ABCA13: variants seen among roughly 807,000 people sequenced by gnomAD.
ABCA13 encodes the protein ATP-binding cassette sub-family A member 13.
Under a neutral mutation model 478.7 loss-of-function variants are expected in ABCA13, and 476 were observed. The ratio of observed to expected loss-of-function variants is 0.99; its 90% CI spans 0.92 to 1.07. The LOEUF (loss-of-function observed/expected upper bound fraction) is 1.07. Among genes scored for constraint, ABCA13 ranks in the 50% least tolerant of loss-of-function variants. The pLI is 0.00. For missense variants in ABCA13, 6,060 were observed against 5,910.6 expected (o/e 1.03, Z -0.83); for synonymous variants, 2,252 against 2,158.9 (o/e 1.04, Z -1.20).
chr7:48,548,146 C>T (rs749350141), intron 55 of ABCA13, among the ~76,000 whole-genome samples: 3 of 151,920 alleles, frequency 2.0e-5, no homozygotes, highest in Non-Finnish European at 2.9e-5. Flanking sequence ...TGCTCATACA[C>T]AGCGAGTATT....
At chr7:48,567,000 G>A (rs1289829480) in intron 55 of ABCA13, among the ~76,000 whole-genome samples, 6 of 152,132 alleles carry the variant, frequency 3.9e-5, no homozygotes, top group African/African-American at 1.2e-4. Context: ...TGATAGATAT[G>A]CTGTGTGCAA....
intron 54 of ABCA13, among the ~76,000 whole-genome samples, chr7:48,527,973 T>C (rs1317162): frequency 0.14 from 21,048 of 152,166 alleles, 1,818 homozygotes; most frequent in African/African-American, 0.23. Context: ...TTTCCACACA[T>C]GAATTTATTG....
intron 58 of ABCA13, among the ~76,000 whole-genome samples, chr7:48,605,590 C>G (rs1791384996): frequency 6.6e-6 from 1 of 152,224 alleles, no homozygotes; most frequent in Non-Finnish European, 1.5e-5. Context: ...CACTGTTAGT[C>G]TGATGGGCTT....
At chr7:48,499,532 A>G (rs1006322246) in intron 48 of ABCA13, among the ~76,000 whole-genome samples, 4 of 152,248 alleles carry the variant, frequency 2.6e-5, no homozygotes, top group Non-Finnish European at 5.9e-5. Context: ...CCAATGACAA[A>G]TAAACAGAGT....
chr7:48,621,994 G>A (rs1272172351), intron 59 of ABCA13, among the ~76,000 whole-genome samples: 5 of 152,024 alleles, frequency 3.3e-5, no homozygotes, highest in Non-Finnish European at 7.4e-5. Context: ...ATAGAATTTC[G>A]GGGACCCAAC....
rs368670564 is a variant in ABCA13 at position 48,524,320 on chromosome 7, G to C, written c.14124G>C (p.Val4708=). 6.2e-7 allele frequency: 1 copy of C among 1,613,158 alleles called. No individual in the cohort carries two copies. Among genetic ancestry groups the C allele is most frequent in the Non-Finnish European group, 8.5e-7 (1 of 1,179,522 alleles). Residue 4708 remains valine (V), a synonymous_variant, in exon 54 of 62, where the codon GTG becomes GTC. Coordinates refer to ENST00000435803, the MANE Select transcript of ABCA13 (RefSeq NM_152701.5). ...DTDVEKEEKR[V]FEGRTNGDIL... Reference sequence around the variant, plus strand: ...ATGTTGAAAAAGAGGAAAAGAGAGTGTTTGAAGGAAGGACCAATGGAGACA... The same window carrying C: ...ATGTTGAAAAAGAGGAAAAGAGAGTCTTTGAAGGAAGGACCAATGGAGACA...
At position 48,273,135 on chromosome 7, in the gene ABCA13, A is replaced by G. The variant is rs1158734283; in HGVS notation, c.3469A>G (p.Ile1157Val). The G allele has an allele frequency of 1.9e-6, 3 of 1,613,740 alleles. No individual in the cohort carries two copies. Among genetic ancestry groups the G allele is most frequent in the Admixed American group, 1.7e-5 (1 of 60,004 alleles). ...TVSWLQMWTE[I>V]WETISQLFKF... ...TTCATGGCTTCAAATGTGGACTGAA[A>G]TCTGGGAAACCATATCTCAATTATT... is the stretch of plus-strand genomic sequence containing the variant. The change falls in exon 17 of 62, where the codon ATC becomes GTC. Residue 1157 changes from isoleucine (I) to valine (V), a missense_variant. Physicochemically the swap from Ile to Val is conservative, Grantham distance 29. Transcript: ENST00000435803.
intron 15 of ABCA13, among the ~76,000 whole-genome samples, chr7:48,252,996 T>C (rs192122911): frequency 1.3e-5 from 2 of 152,282 alleles, no homozygotes; most frequent in Admixed American, 1.3e-4. Flanking sequence ...AGGCTCAGGG[T>C]CTTTTAAATC....
chr7:48,576,976 G>A (rs190340103), intron 55 of ABCA13, among the ~76,000 whole-genome samples: 25 of 152,180 alleles, frequency 1.6e-4, no homozygotes, highest in Non-Finnish European at 2.9e-4. Flanking sequence ...ACCTATTTCT[G>A]GGTAACACAC....
rs755872302 is a variant in ABCA13, at chr7:48,272,271, A to G, written c.2605A>G (p.Thr869Ala). 1.9e-5 allele frequency: 30 copies of G among 1,613,558 alleles called. No homozygotes were observed. The highest frequency in any genetic ancestry group is 2.5e-5 in the Non-Finnish European group (29 of 1,179,730). Residue 869 changes from threonine to alanine, a missense_variant, in exon 17 of 62, where the codon ACA becomes GCA. Thr to Ala is a moderately conservative substitution (Grantham distance 58, BLOSUM62 0). Coordinates refer to ENST00000435803, the MANE Select transcript of ABCA13 (RefSeq NM_152701.5). Reference sequence around the variant, plus strand: ...TGTTCCAGAAAATGAGATTCTGAGTACAAGTTTTAACTTTTCCCAGTTGTT... The same window carrying G: ...TGTTCCAGAAAATGAGATTCTGAGTGCAAGTTTTAACTTTTCCCAGTTGTT... ...FSVPENEILS[T>A]SFNFSQLFHS... is the part of the protein sequence containing the mutation.
At chr7:48,561,720 G>T (rs974992677) in intron 55 of ABCA13, among the ~76,000 whole-genome samples, 6 of 152,046 alleles carry the variant, frequency 3.9e-5, no homozygotes, top group Non-Finnish European at 8.8e-5. Flanking sequence ...ATGTGCAGTA[G>T]CTTTTTATTT....
intron 31 of ABCA13, among the ~76,000 whole-genome samples, chr7:48,366,234 T>C (rs1811649547): frequency 6.6e-6 from 1 of 152,028 alleles, no homozygotes; most frequent in Non-Finnish European, 1.5e-5. Flanking sequence ...CAACCTCTGG[T>C]CCTTGCCCTT....
intron 8 of ABCA13, among the ~76,000 whole-genome samples, chr7:48,235,759 G>A (rs1406255321): frequency 6.6e-6 from 1 of 152,168 alleles, no homozygotes; most frequent in Non-Finnish European, 1.5e-5. Context: ...GACAGATAAA[G>A]AAGAGGAAAA....
chr7:48,334,387 C>A (rs562968632), intron 27 of ABCA13, among the ~76,000 whole-genome samples: 178 of 150,010 alleles, frequency 1.2e-3, no homozygotes, highest in Non-Finnish European at 2.1e-3. Flanking sequence ...CAGGTTGGAG[C>A]ACAGTGGTGC....
At chr7:48,590,170 A>G (rs762726066) in intron 57 of ABCA13, among the ~76,000 whole-genome samples, 1 of 151,964 alleles carries the variant, frequency 6.6e-6, no homozygotes, top group African/African-American at 2.4e-5. Context: ...TTTTCCATGC[A>G]TGGCTTATTT....
rs1412664567 is a variant in ABCA13, at chr7:48,349,952, C to G, written c.10205-691C>G. On this transcript the variant is annotated intron_variant, in intron 29 of 61. Transcript: ENST00000435803. ...CTGGAGGTCATGTTCTGGGCATTCCCACGCTGCCTTGCTCTAGATCATTTG... is the reference window on the plus strand; with the variant it reads ...CTGGAGGTCATGTTCTGGGCATTCCGACGCTGCCTTGCTCTAGATCATTTG... Among the ~76,000 whole-genome samples, 6 of 152,214 alleles carry G rather than the reference C, an allele frequency of 3.9e-5. No homozygotes were observed. The South Asian group carries it at 6.2e-4, about 16-fold the overall frequency.
chr7:48,310,334 A>G (rs1178162678), intron 24 of ABCA13, among the ~76,000 whole-genome samples, 193 bp downstream of exon 24: 1 of 152,118 alleles, frequency 6.6e-6, no homozygotes, highest in Non-Finnish European at 1.5e-5. Context: ...TGTTGTAATA[A>G]AGGGATGTTC....
chr7:48,459,530 C>A (rs893413138), intron 43 of ABCA13, among the ~76,000 whole-genome samples: 2 of 152,148 alleles, frequency 1.3e-5, no homozygotes, highest in Non-Finnish European at 2.9e-5. Context: ...GGCTCAGATG[C>A]CCCCTTCCAA....
intron 5 of ABCA13, among the ~76,000 whole-genome samples, chr7:48,224,201 T>G (rs1008191270): frequency 1.6e-4 from 24 of 152,110 alleles, no homozygotes; most frequent in African/African-American, 5.6e-4. Flanking sequence ...GTCAAACACA[T>G]GCTGAGAGTA....
Sources: allele counts gnomAD v4.1 joint callset (sites outside exome capture counted in the v4.1 genomes callset), GRCh38; gene constraint gnomAD v4.1.1; transcripts MANE v1.5; gene names NCBI Gene and HGNC (gene_info 2026-07-23, HGNC 2026-07-21).